The following HAAO variants were observed in gnomAD, a reference collection of about 807,000 sequenced individuals.
HAAO encodes 3-hydroxyanthranilate 3,4-dioxygenase.
Under a neutral mutation model 46.2 loss-of-function variants are expected in HAAO, and 49 were observed. The observed-to-expected ratio is 1.06, with a 90% CI of 0.84 to 1.34. The LOEUF (loss-of-function observed/expected upper bound fraction) is 1.34, where lower values mean the gene tolerates loss of function less well. HAAO is among the 40% of genes most tolerant of loss of function. The pLI, the probability that HAAO is intolerant of heterozygous loss-of-function variation, is 0.00. For missense variants in HAAO, 408 were observed against 364.5 expected, an observed-to-expected ratio of 1.12 and a Z score of -0.97; for synonymous variants, 157 against 145.2, an observed-to-expected ratio of 1.08 and a Z score of -0.58.
intron 3 of HAAO, 117 bp from the exon 4 acceptor site, chr2:42,783,537 T>A: frequency 1.4e-6 from 1 of 714,796 alleles, no homozygotes; most frequent in South Asian, 1.7e-5. Context: ...GTACTGCTTG[T>A]CTACCCTGGG....
intron 2 of HAAO, among the ~76,000 whole-genome samples, chr2:42,787,595 G>A (rs1464750506): frequency 6.6e-6 from 1 of 152,168 alleles, no homozygotes; most frequent in East Asian, 1.9e-4. Flanking sequence ...ACAGCCTTGG[G>A]TGTCCCAGTG....
At chr2:42,783,455 G>T in intron 3 of HAAO, 35 bp from the exon 4 acceptor site, 1 of 1,344,808 alleles carries the variant, frequency 7.4e-7, no homozygotes. Context: ...CAGTGAGGCT[G>T]CAATCCCTCA....
chr2:42,787,258 A>G (rs907333859), intron 2 of HAAO, among the ~76,000 whole-genome samples: 1 of 152,134 alleles, frequency 6.6e-6, no homozygotes, highest in Non-Finnish European at 1.5e-5. Flanking sequence ...GGGATGGGGC[A>G]TGGAGCAGAG....
intron 2 of HAAO, among the ~76,000 whole-genome samples, chr2:42,786,661 C>G (rs1672406863): frequency 6.6e-6 from 1 of 152,148 alleles, no homozygotes; most frequent in Admixed American, 6.5e-5. Context: ...AGAATTCCCC[C>G]AATGCAAGTT....
In HAAO at chr2:42,769,590, T is replaced by TGA. The variant is rs1180581397; in HGVS notation, c.630+122_630+123insTC. 8.8e-6 allele frequency: 6 copies of TGA among 680,342 alleles called. No homozygotes were observed. In the East Asian group the frequency reaches 1.4e-4, roughly 16 times the overall value. The allele number at this position is 680,342 out of a possible 1,614,324, so 42.1% of individuals were successfully genotyped here. On this transcript the variant is annotated intron_variant, in intron 7 of 9. Transcript: ENST00000294973. ...TGAAATGTGTGTGTGTGTGTGTGTG[T>TGA]GTGTGTGTGTGTGTGAGTGTGTGTG...
At chr2:42,782,928 C>T (rs1448131338) in intron 4 of HAAO, 3 of 460,738 alleles carry the variant, frequency 6.5e-6, no homozygotes, top group East Asian at 1.3e-4. Flanking sequence ...ACTTTGGGCA[C>T]ATGTCATCAG....
At chr2:42,777,662 A>G (rs1327443270) in intron 4 of HAAO, among the ~76,000 whole-genome samples, 2 of 152,216 alleles carry the variant, frequency 1.3e-5, no homozygotes, top group Non-Finnish European at 2.9e-5. Context: ...ATCTAAGTAA[A>G]TGATTAAAAT....
chr2:42,777,152 A>C (rs553385188), intron 4 of HAAO, among the ~76,000 whole-genome samples: 3 of 151,528 alleles, frequency 2.0e-5, no homozygotes, highest in African/African-American at 7.3e-5. Flanking sequence ...AAATACAAAA[A>C]ATTAGCTGGG....
intron 1 of HAAO, 99 bp downstream of exon 1, chr2:42,792,358 G>T: frequency 6.4e-6 from 4 of 625,692 alleles, no homozygotes; most frequent in Non-Finnish European, 1.1e-5. Context: ...CCTTCTGCAA[G>T]CTTCTGGGTC....
At chr2:42,775,474 T>C (rs1361587962) in intron 4 of HAAO, among the ~76,000 whole-genome samples, 2 of 152,142 alleles carry the variant, frequency 1.3e-5, no homozygotes, top group Non-Finnish European at 2.9e-5. Flanking sequence ...AAAAAGATTT[T>C]TTTAAAGGAG....
chr2:42,773,134 C>T (rs1671278447), intron 4 of HAAO, among the ~76,000 whole-genome samples: 1 of 152,218 alleles, frequency 6.6e-6, no homozygotes, highest in Non-Finnish European at 1.5e-5. Flanking sequence ...ACTCCCACTC[C>T]TCTCTATACT....
At position 42,783,770 on chromosome 2, in the gene HAAO, G is replaced by T. The variant is rs369600825; in HGVS notation, c.243+14C>A. ...CGCCTTTCTCTTCCCCACCCTGCTG[G>T]GATCCGGCCTCACCTCTCCCTGCCG... On this transcript the variant is annotated intron_variant, in intron 3 of 9. Transcript: ENST00000294973. 14 of 1,606,434 alleles carry T rather than the reference G, an allele frequency of 8.7e-6. No individual in the cohort carries two copies. Among genetic ancestry groups the T allele is most frequent in the Non-Finnish European group, 1.2e-5 (14 of 1,175,638 alleles).
intron 4 of HAAO, among the ~76,000 whole-genome samples, chr2:42,780,273 T>G (rs1015566321): frequency 1.3e-5 from 2 of 150,348 alleles, no homozygotes; most frequent in Admixed American, 6.7e-5. Context: ...AGCGGTGCAA[T>G]CTCGGCTCAC....
chr2:42,777,303 C>CAAA lies in HAAO; in HGVS notation c.350+6008_350+6010dup, dbSNP rs1215772853. On this transcript the variant is annotated intron_variant, in intron 4 of 9. Coordinates refer to ENST00000294973, the MANE Select transcript of HAAO (RefSeq NM_012205.3). ...AGGTGACAGAGCAAGACTCTTATCG[C>CAAA]AAAAAAAAAAAAAAAAAAAAGAAGA... Among the ~76,000 whole-genome samples, 142 of 39,248 alleles carry CAAA rather than the reference C, an allele frequency of 3.6e-3. 4 individuals carry two copies. Among genetic ancestry groups the CAAA allele is most frequent in the African/African-American group, 6.9e-3 (72 of 10,490 alleles). The allele number at this position is 39,248 out of a possible 152,430, so 25.7% of individuals were successfully genotyped here.
chr2:42,789,406 C>A (rs796866435), intron 1 of HAAO, among the ~76,000 whole-genome samples: 2 of 152,246 alleles, frequency 1.3e-5, no homozygotes, highest in African/African-American at 4.8e-5. Context: ...CCTGTCTCTA[C>A]TAAAAATACA....
chr2:42,789,750 T>A (rs1672651860), intron 1 of HAAO, among the ~76,000 whole-genome samples: 1 of 152,000 alleles, frequency 6.6e-6, no homozygotes, highest in African/African-American at 2.4e-5. Flanking sequence ...ACAAAAGGGT[T>A]CCCAAACTCC....
At chr2:42,788,805 GTGTCTGTGTGTC>G (rs1672578823) in intron 1 of HAAO, among the ~76,000 whole-genome samples, 198 bp from the exon 2 acceptor site, 1 of 152,208 alleles carries the variant, frequency 6.6e-6, no homozygotes, top group Admixed American at 6.5e-5. Flanking sequence ...GTCTGGGATC[GTGTCTGTGTGTC>G]TGTCTGTCAT....
chr2:42,786,498 G>C (rs1025089092), intron 2 of HAAO, among the ~76,000 whole-genome samples: 41 of 152,316 alleles, frequency 2.7e-4, no homozygotes, highest in African/African-American at 9.4e-4. Flanking sequence ...TGCATATCAA[G>C]CACCAACTCT....
Position 42,776,777 on chromosome 2 carries a change from G to A in HAAO, c.351-6195C>T, listed in dbSNP as rs563592084. ...CTCCTGAATAGCTGGGATTGCAGGC[G>A]CCTGCCACCACGCCCAGCTAATTTT... On this transcript the variant is annotated intron_variant, in intron 4 of 9. Coordinates refer to ENST00000294973, the MANE Select transcript of HAAO (RefSeq NM_012205.3). 7.9e-5 allele frequency among the ~76,000 whole-genome samples: 12 copies of A among 151,196 alleles called. No homozygotes were observed. In the East Asian group the frequency reaches 2.0e-3, roughly 25 times the overall value.
Sources: gnomAD v4.1 joint callset for allele counts (sites outside exome capture counted in the v4.1 genomes callset) on GRCh38, gnomAD v4.1.1 for gene constraint, MANE v1.5 for transcripts, NCBI Gene and HGNC (gene_info 2026-07-23, HGNC 2026-07-21) for gene names.